LRRC8C: variants seen among roughly 807,000 people sequenced by gnomAD.
LRRC8C encodes the protein leucine rich repeat containing 8 VRAC subunit C.
In LRRC8C, 20 loss-of-function variants were observed where a neutral mutation model predicts 55.3. The ratio of observed to expected loss-of-function variants is 0.36; its 90% CI spans 0.25 to 0.53. LRRC8C has a LOEUF of 0.53. Among genes scored for constraint, LRRC8C ranks in the 20% least tolerant of loss-of-function variants. LRRC8C has a pLI of 0.92. For synonymous variants in LRRC8C, 376 were observed against 360.7 expected, an observed-to-expected ratio of 1.04 and a Z score of -0.48; for missense variants, 659 against 951.4, an observed-to-expected ratio of 0.69 and a Z score of 4.04.
intron 2 of LRRC8C, among the ~76,000 whole-genome samples, chr1:89,709,751 GT>G (rs1553168157): frequency 1.2e-4 from 11 of 93,076 alleles, no homozygotes; most frequent in Admixed American, 7.8e-4. Flanking sequence ...GTTTTTTTTT[GT>G]TTGTTTTTTT....
intron 1 of LRRC8C, among the ~76,000 whole-genome samples, chr1:89,672,275 CAT>C (rs1015793668): frequency 9.2e-5 from 14 of 152,178 alleles, no homozygotes; most frequent in South Asian, 2.1e-4. Flanking sequence ...CAGGTCCTAA[CAT>C]ATACTGTCAG....
chr1:89,713,998 GTGTTC>G lies in LRRC8C; in HGVS notation c.1432_1436del (p.Ser478GlnfsTer22). ...ATCTTCAAGAGCTCTCTCTGCACCA[GTGTTC>G]TGTCAAAATCCACAGTGCGGCGCTC... On this transcript the variant is annotated frameshift_variant, in exon 3 of 3. Transcript: ENST00000370454. LOFTEE classifies it high-confidence loss of function. This position sits in a 1 kb window ranked among gnomAD's most constrained non-coding sequence, Gnocchi z 5.2. 1 of 1,613,274 alleles carries G rather than the reference GTGTTC, an allele frequency of 6.2e-7. No individual in the cohort carries two copies. The highest frequency in any genetic ancestry group is 8.5e-7 in the Non-Finnish European group (1 of 1,179,992).
At chr1:89,660,563 G>T (rs568221470) in intron 1 of LRRC8C, among the ~76,000 whole-genome samples, 1 of 152,242 alleles carries the variant, frequency 6.6e-6, no homozygotes, top group Non-Finnish European at 1.5e-5. Context: ...AATTTCAGGA[G>T]ACTAGCTCAG....
chr1:89,709,580 C>A (rs1165891179), intron 2 of LRRC8C, among the ~76,000 whole-genome samples: 1 of 152,130 alleles, frequency 6.6e-6, no homozygotes, highest in Non-Finnish European at 1.5e-5. Flanking sequence ...TAGGAGCAAG[C>A]CCGGGGGAGG....
At chr1:89,680,547 T>C (rs1318309312) in intron 1 of LRRC8C, among the ~76,000 whole-genome samples, 1 of 121,100 alleles carries the variant, frequency 8.3e-6, no homozygotes, top group Non-Finnish European at 1.6e-5. Flanking sequence ...CATGCTTTCA[T>C]GCTTTTTTTT....
chr1:89,661,456 A>T (rs774246800), intron 1 of LRRC8C: 1 of 212,562 alleles, frequency 4.7e-6, no homozygotes, highest in Non-Finnish European at 9.8e-6. Context: ...GTGGTGGAGC[A>T]TGTTTGCTGA....
Position 89,643,649 on chromosome 1 carries a change from C to A in LRRC8C, c.-5+10327C>A, listed in dbSNP as rs556716613. On this transcript the variant is annotated intron_variant, in intron 1 of 2. Transcript: ENST00000370454. ...GAGTTGTGTTTTTGTAAGTTTACCT[C>A]TTTAAAATTCAATTTTGAAAGGATT... is the stretch of plus-strand genomic sequence containing the variant. Among the ~76,000 whole-genome samples, 470 of 152,312 alleles carry A rather than the reference C, an allele frequency of 3.1e-3. 1 individual carries two copies. The highest frequency in any genetic ancestry group is 4.7e-3 in the Non-Finnish European group (317 of 68,022).
intron 2 of LRRC8C, among the ~76,000 whole-genome samples, chr1:89,692,906 C>A (rs898586256): frequency 6.6e-6 from 1 of 152,144 alleles, no homozygotes; most frequent in African/African-American, 2.4e-5. Flanking sequence ...CTCAGTGACT[C>A]CAGGTTATCT....
At chr1:89,659,525 A>G (rs146817545) in intron 1 of LRRC8C, among the ~76,000 whole-genome samples, 2 of 152,306 alleles carry the variant, frequency 1.3e-5, no homozygotes, top group East Asian at 3.9e-4. Context: ...AATATGTATG[A>G]TGCTCCTGAC....
In LRRC8C at chr1:89,648,909, A is replaced by G. The variant is rs1656687337; in HGVS notation, c.-5+15587A>G. 1.3e-5 allele frequency among the ~76,000 whole-genome samples: 2 copies of G among 152,202 alleles called. 1 individual carries two copies. Among genetic ancestry groups the G allele is most frequent in the South Asian group, 4.1e-4 (2 of 4,836 alleles). ...GTTCATTAATGTTGTGGCATATATC[A>G]ATGCCCCACTTCTTTGTCAAATAAT... On this transcript the variant is annotated intron_variant, in intron 1 of 2. Coordinates refer to ENST00000370454, the MANE Select transcript of LRRC8C (RefSeq NM_032270.5).
rs1335596964 is a variant in LRRC8C, at chr1:89,717,989, T to C, written c.*3007T>C. The C allele has an allele frequency of 1.3e-5, 2 of 152,182 alleles. No individual in the cohort carries two copies. Among genetic ancestry groups the C allele is most frequent in the Non-Finnish European group, 2.9e-5 (2 of 68,000 alleles). 9.4% of individuals were successfully genotyped at this position (152,182 alleles called of 1,614,324 possible). ...AATTGTTAAGTACAGAACAAACAATTGTTTGGTGATGGCCTGGTTGAAAGA... is the reference window on the plus strand; with the variant it reads ...AATTGTTAAGTACAGAACAAACAATCGTTTGGTGATGGCCTGGTTGAAAGA... On this transcript the variant is annotated 3_prime_UTR_variant, in exon 3 of 3. Coordinates refer to ENST00000370454, the MANE Select transcript of LRRC8C (RefSeq NM_032270.5).
intron 2 of LRRC8C, among the ~76,000 whole-genome samples, chr1:89,704,754 A>T (rs1258709111): frequency 6.6e-6 from 1 of 152,168 alleles, no homozygotes; most frequent in African/African-American, 2.4e-5. Flanking sequence ...AATGGCGATC[A>T]TTAAAAAGTC....
At chr1:89,666,961 C>T (rs1037759630) in intron 1 of LRRC8C, among the ~76,000 whole-genome samples, 1 of 152,036 alleles carries the variant, frequency 6.6e-6, no homozygotes, top group African/African-American at 2.4e-5. Flanking sequence ...TTGAGGAAAG[C>T]AACTTAGGGA....
At chr1:89,672,213 T>C (rs1178949567) in intron 1 of LRRC8C, among the ~76,000 whole-genome samples, 4 of 152,246 alleles carry the variant, frequency 2.6e-5, no homozygotes, top group Non-Finnish European at 5.9e-5. Flanking sequence ...TTACTACTTA[T>C]ACTATACTTC....
chr1:89,647,259 T>C (rs1295850577), intron 1 of LRRC8C, among the ~76,000 whole-genome samples: 1 of 152,170 alleles, frequency 6.6e-6, no homozygotes, highest in African/African-American at 2.4e-5. Context: ...GTATCAAACA[T>C]GGATTGGGTT....
At chr1:89,680,043 A>G (rs1657653856) in intron 1 of LRRC8C, among the ~76,000 whole-genome samples, 1 of 152,122 alleles carries the variant, frequency 6.6e-6, no homozygotes. Flanking sequence ...TAAATAAAAT[A>G]AACTCTATGT....
chr1:89,625,787 A>T, the LRRC8C span, among the ~76,000 whole-genome samples: 1 of 152,176 alleles, frequency 6.6e-6, no homozygotes, highest in Non-Finnish European at 1.5e-5. Flanking sequence ...AAACAAAGAA[A>T]CAATTGCTTA....
rs1296074393 is a variant in LRRC8C, at chr1:89,719,455, T to A, written c.*4473T>A. ...AAAGTTGATTTGTCATAGTGCAAAT[T>A]CATGATAAAATGTCTTAATGTTATT... On this transcript the variant is annotated 3_prime_UTR_variant, in exon 3 of 3. Coordinates refer to ENST00000370454, the MANE Select transcript of LRRC8C (RefSeq NM_032270.5). 4 of 152,178 alleles carry A rather than the reference T, an allele frequency of 2.6e-5. No individual in the cohort carries two copies. Among genetic ancestry groups the A allele is most frequent in the African/African-American group, 7.2e-5 (3 of 41,432 alleles). 9.4% of individuals were successfully genotyped at this position (152,178 alleles called of 1,614,324 possible). A position where few individuals can be genotyped will look rare whatever the true frequency, so the allele number is the denominator to read the frequency against.
upstream of LRRC8C, among the ~76,000 whole-genome samples, chr1:89,631,347 G>T (rs544245538): frequency 6.6e-6 from 1 of 152,118 alleles, no homozygotes; most frequent in Non-Finnish European, 1.5e-5. Flanking sequence ...AAAGTCTAAG[G>T]TTCAATGATT....
Sources: allele counts gnomAD v4.1 joint callset (sites outside exome capture counted in the v4.1 genomes callset), GRCh38; gene constraint gnomAD v4.1.1; non-coding constraint Gnocchi (gnomAD v3.1); transcripts MANE v1.5; gene names NCBI Gene and HGNC (gene_info 2026-07-23, HGNC 2026-07-21).